The following SLC35G2 variants were observed in gnomAD, a reference collection of about 807,000 sequenced individuals.
SLC35G2 encodes the protein solute carrier family 35 member G2, also known as transmembrane protein 22.
A neutral mutation model predicts 27.2 loss-of-function variants in SLC35G2; 20 were observed. That is an observed-to-expected ratio of 0.74 (90% confidence interval 0.52 to 1.07). The LOEUF is 1.07. Ranked by LOEUF, SLC35G2 falls within the 50% of genes least tolerant of loss-of-function variation. The pLI is 0.00. For missense variants in SLC35G2, 416 were observed against 493.3 expected, an observed-to-expected ratio of 0.84 and a Z score of 1.48; for synonymous variants, 148 against 165.3, an observed-to-expected ratio of 0.90 and a Z score of 0.80.
At chr3:136,822,860 G>T (rs964332796) in intron 1 of SLC35G2, among the ~76,000 whole-genome samples, 5 of 152,120 alleles carry the variant, frequency 3.3e-5, no homozygotes, top group African/African-American at 9.7e-5. Context: ...TGAACAGTGC[G>T]GCAACAAACA....
chr3:136,833,295 AGCCTC>A (rs1179417150), intron 1 of SLC35G2, among the ~76,000 whole-genome samples: 1 of 152,182 alleles, frequency 6.6e-6, no homozygotes, highest in African/African-American at 2.4e-5. Context: ...ATATAGTAGC[AGCCTC>A]TGGAAATTAC....
chr3:136,854,502 G>A lies in SLC35G2; in HGVS notation c.42G>A (p.Arg14=). 6.3e-7 allele frequency: 1 copy of A among 1,589,236 alleles called. No individual in the cohort carries two copies. Among genetic ancestry groups the A allele is most frequent in the Non-Finnish European group, 8.6e-7 (1 of 1,168,344 alleles). The change falls in exon 2 of 2, where the codon CGG becomes CGA. Residue 14 remains arginine, a synonymous_variant. Transcript: ENST00000446465. The part of the protein sequence containing the change: ...SPSRKYPVKK[R]VKIHPNTVMV... ...CCAGAAAATATCCAGTTAAAAAACGGGTGAAAATACATCCCAACACAGTGA... is the reference window on the plus strand; with the variant it reads ...CCAGAAAATATCCAGTTAAAAAACGAGTGAAAATACATCCCAACACAGTGA...
chr3:136,834,219 C>G (rs908080440), intron 1 of SLC35G2, among the ~76,000 whole-genome samples: 38 of 152,158 alleles, frequency 2.5e-4, no homozygotes, highest in African/African-American at 8.4e-4. Context: ...AACAAATTTA[C>G]ATTGTTGTTA....
intron 1 of SLC35G2, among the ~76,000 whole-genome samples, chr3:136,822,657 C>G (rs1936485464): frequency 6.6e-6 from 1 of 152,178 alleles, no homozygotes; most frequent in Admixed American, 6.6e-5. Flanking sequence ...ATTTTTAGAT[C>G]CCACAGATAA....
intron 1 of SLC35G2, among the ~76,000 whole-genome samples, chr3:136,848,840 C>G (rs1257491950): frequency 6.6e-6 from 1 of 152,120 alleles, no homozygotes; most frequent in Non-Finnish European, 1.5e-5. Flanking sequence ...GCAATGCTCA[C>G]TATTTGGGTG....
At chr3:136,825,472 G>A (rs1299680646) in intron 1 of SLC35G2, among the ~76,000 whole-genome samples, 2 of 151,912 alleles carry the variant, frequency 1.3e-5, no homozygotes, top group East Asian at 3.9e-4. Context: ...CAAACTCCTG[G>A]ACTCAAGTGA....
At chr3:136,853,939 T>C (rs1478826339) in intron 1 of SLC35G2, among the ~76,000 whole-genome samples, 1 of 152,198 alleles carries the variant, frequency 6.6e-6, no homozygotes, top group African/African-American at 2.4e-5. Context: ...ATCTCAAAAC[T>C]TATGGGGAGT....
At chr3:136,851,232 C>T (rs1369128800) in intron 1 of SLC35G2, among the ~76,000 whole-genome samples, 5 of 151,594 alleles carry the variant, frequency 3.3e-5, no homozygotes, top group African/African-American at 7.3e-5. Context: ...CGGTGGCTCA[C>T]GCCTGTAATC....
intron 1 of SLC35G2, among the ~76,000 whole-genome samples, chr3:136,848,791 G>A (rs890739921): frequency 6.6e-6 from 1 of 152,206 alleles, no homozygotes; most frequent in South Asian, 2.1e-4. Flanking sequence ...ACGGGTTAGA[G>A]TAGGTGGGAA....
chr3:136,841,566 TA>T (rs1326447044), intron 1 of SLC35G2, among the ~76,000 whole-genome samples: 1 of 151,910 alleles, frequency 6.6e-6, no homozygotes, highest in East Asian at 1.9e-4. Flanking sequence ...CCGTCTCTAC[TA>T]AAAATATAAA....
Position 136,855,588 on chromosome 3 carries a change from T to C in SLC35G2, c.1128T>C (p.Phe376=), listed in dbSNP as rs1401128446. Residue 376 remains phenylalanine (F), a synonymous_variant, in exon 2 of 2, where the codon TTT becomes TTC. Coordinates refer to ENST00000446465, the MANE Select transcript of SLC35G2 (RefSeq NM_025246.3). The stretch of plus-strand genomic sequence containing the variant: ...TATTTCCTAGCATCTATGATGTTTT[T>C]GGAGGGGTAATCATTATGATTAGTG... ...LHIFPSIYDV[F]GGVIIMISVF... is the part of the protein sequence containing the mutation. The C allele has an allele frequency of 1.2e-6, 2 of 1,614,026 alleles. No homozygotes were observed. The highest frequency in any genetic ancestry group is 1.7e-6 in the Non-Finnish European group (2 of 1,179,988).
rs2108045019 is a variant in SLC35G2 at position 136,854,655 on chromosome 3, G to A, written c.195G>A (p.Gly65=). 1 of 1,613,754 alleles carries A rather than the reference G, an allele frequency of 6.2e-7. No individual in the cohort carries two copies. Among genetic ancestry groups the A allele is most frequent in the East Asian group, 2.2e-5 (1 of 44,872 alleles). ...TGCTGAGTGAAATGAAAAAAAAAGG[G>A]AGAGCTTTCTTTGGAACCATGGATA... ...KGLLSEMKKK[G]RAFFGTMDTL... Residue 65 remains glycine, a synonymous_variant, in exon 2 of 2, where the codon GGG becomes GGA. Coordinates refer to ENST00000446465, the MANE Select transcript of SLC35G2 (RefSeq NM_025246.3).
chr3:136,855,317 C>T lies in SLC35G2; in HGVS notation c.857C>T (p.Thr286Ile), dbSNP rs1937947969. ...RSIKEKISMW[T>I]ALFTFGWTGT... ...ATCAAGGAGAAGATCAGCATGTGGA[C>T]TGCACTGTTTACTTTTGGTTGGACT... Residue 286 changes from threonine to isoleucine, a missense_variant, in exon 2 of 2, where the codon ACT (threonine) becomes ATT (isoleucine). Physicochemically the swap from Thr to Ile is moderately conservative, Grantham distance 89 (BLOSUM62 -1). Transcript: ENST00000446465. The T allele has an allele frequency of 6.2e-7, 1 of 1,614,198 alleles. No homozygotes were observed. Among genetic ancestry groups the T allele is most frequent in the Non-Finnish European group, 8.5e-7 (1 of 1,180,022 alleles).
At chr3:136,844,797 C>CAAA (rs58243269) in intron 1 of SLC35G2, among the ~76,000 whole-genome samples, 24 of 35,736 alleles carry the variant, frequency 6.7e-4, no homozygotes, top group South Asian at 1.3e-3. Flanking sequence ...CTCTCTGTCT[C>CAAA]AAAAAAAAAA....
intron 1 of SLC35G2, among the ~76,000 whole-genome samples, chr3:136,850,108 AAAAT>A (rs925991013): frequency 1.2e-4 from 19 of 152,202 alleles, no homozygotes; most frequent in Non-Finnish European, 2.2e-4. Context: ...CTCCGTCTCA[AAAAT>A]AAATAAATAA....
chr3:136,838,281 A>G (rs1936945458), intron 1 of SLC35G2: 1 of 111,366 alleles, frequency 9.0e-6, no homozygotes, highest in South Asian at 2.9e-4. Context: ...ATATATATAT[A>G]TAAATGCACA....
At chr3:136,840,121 C>T (rs530861172) in intron 1 of SLC35G2, among the ~76,000 whole-genome samples, 1 of 152,334 alleles carries the variant, frequency 6.6e-6, no homozygotes, top group African/African-American at 2.4e-5. Flanking sequence ...CCTTCATCCC[C>T]AGTCTAATTG....
chr3:136,830,172 G>C lies in SLC35G2; in HGVS notation c.-19+10544G>C, dbSNP rs1425797118. Among the ~76,000 whole-genome samples, 2 of 140,588 alleles carry C rather than the reference G, an allele frequency of 1.4e-5. 1 individual carries two copies. The highest frequency in any genetic ancestry group is 5.3e-5 in the African/African-American group (2 of 37,412). 92.2% of individuals were successfully genotyped at this position (140,588 alleles called of 152,430 possible). On this transcript the variant is annotated intron_variant, in intron 1 of 1. Coordinates refer to ENST00000446465, the MANE Select transcript of SLC35G2 (RefSeq NM_025246.3). ...TCACCAGGCTGGGGTGCAGTGGCGC[G>C]ATCTCAGCTCACTGCAATCTCCGCC...
chr3:136,855,442 T>C lies in SLC35G2; in HGVS notation c.982T>C (p.Ser328Pro). 2 of 1,614,202 alleles carry C rather than the reference T, an allele frequency of 1.2e-6. No homozygotes were observed. The highest frequency in any genetic ancestry group is 1.7e-6 in the Non-Finnish European group (2 of 1,180,026). The change falls in exon 2 of 2, where the codon TCT (serine) becomes CCT (proline). Residue 328 changes from serine (S) to proline (P), a missense_variant. By Grantham distance (74) the Ser-to-Pro change is moderately conservative. Transcript: ENST00000446465. Reference sequence around the variant, plus strand: ...TTATCTCATTGCTATATGTGTCTGTTCTACTGCAGCATTCTTAGGAGTTTA... The same window carrying C: ...TTATCTCATTGCTATATGTGTCTGTCCTACTGCAGCATTCTTAGGAGTTTA... Reference protein sequence around the residue: ...WSYLIAICVCSTAAFLGVYYA... With the variant: ...WSYLIAICVCPTAAFLGVYYA...
Sources: gnomAD v4.1 joint callset for allele counts (sites outside exome capture counted in the v4.1 genomes callset) on GRCh38, gnomAD v4.1.1 for gene constraint, MANE v1.5 for transcripts, NCBI Gene and HGNC (gene_info 2026-07-23, HGNC 2026-07-21) for gene names.